Variants in THSD4 observed in about 807,000 individuals in gnomAD.
THSD4 encodes thrombospondin type-1 domain-containing protein 4.
Under a neutral mutation model 119.0 loss-of-function variants are expected in THSD4, and 69 were observed. The ratio of observed to expected loss-of-function variants is 0.58; its 90% CI spans 0.48 to 0.71. The LOEUF is 0.71. Ranked by LOEUF, THSD4 falls within the 30% of genes least tolerant of loss-of-function variation. The pLI is 0.00. For synonymous variants in THSD4, 524 were observed against 540.4 expected, an observed-to-expected ratio of 0.97 and a Z score of 0.42; for missense variants, 1,393 against 1,391.1, an observed-to-expected ratio of 1.00 and a Z score of -0.02.
chr15:71,569,743 C>T (rs4375617), intron 7 of THSD4, among the ~76,000 whole-genome samples: 38,383 of 152,228 alleles, frequency 0.25, 5,580 homozygotes, highest in Non-Finnish European at 0.33. Flanking sequence ...CCTGTAATCC[C>T]TGCACTTTGG....
At chr15:71,192,488 G>T (rs2043680795) in intron 3 of THSD4, among the ~76,000 whole-genome samples, 1 of 151,926 alleles carries the variant, frequency 6.6e-6, no homozygotes, top group African/African-American at 2.4e-5. Flanking sequence ...TCACCATGTT[G>T]GCCAGGCCAG....
intron 5 of THSD4, among the ~76,000 whole-genome samples, chr15:71,250,309 C>T (rs563995175): frequency 6.6e-6 from 1 of 152,246 alleles, no homozygotes; most frequent in East Asian, 1.9e-4. Context: ...GAAATGTGTG[C>T]TCCTTGGGAG....
intron 7 of THSD4, among the ~76,000 whole-genome samples, chr15:71,521,708 G>GTT (rs142512275): frequency 0.029 from 4,365 of 151,838 alleles, 212 homozygotes; most frequent in African/African-American, 0.1. Flanking sequence ...TCAGTTTGGG[G>GTT]TTTTTTTTGA....
intron 7 of THSD4, among the ~76,000 whole-genome samples, chr15:71,420,871 A>G (rs1247808014): frequency 9.5e-6 from 1 of 105,780 alleles, no homozygotes; most frequent in Non-Finnish European, 2.1e-5. Context: ...TGATAGGTTC[A>G]TCTTTTAGTC....
intron 7 of THSD4, among the ~76,000 whole-genome samples, chr15:71,460,127 C>T (rs140827959): frequency 1.1e-3 from 165 of 152,204 alleles, no homozygotes; most frequent in African/African-American, 3.6e-3. Context: ...CCCACGATAC[C>T]AGTGGTAATT....
intron 1 of THSD4, among the ~76,000 whole-genome samples, chr15:71,099,765 G>A (rs2040246365): frequency 6.6e-6 from 1 of 151,994 alleles, no homozygotes; most frequent in Admixed American, 6.6e-5. Flanking sequence ...AGGGATTTGA[G>A]ACCAGCCTGG....
At chr15:71,597,469 G>A (rs2049925894) in intron 7 of THSD4, among the ~76,000 whole-genome samples, 1 of 152,172 alleles carries the variant, frequency 6.6e-6, no homozygotes, top group African/African-American at 2.4e-5. Flanking sequence ...TTTACAGAGT[G>A]TTTATGCCAG....
intron 7 of THSD4, among the ~76,000 whole-genome samples, chr15:71,580,655 A>G (rs934243591): frequency 2.0e-5 from 3 of 152,154 alleles, no homozygotes; most frequent in African/African-American, 7.2e-5. Context: ...AAGTTCCACC[A>G]CCAAGGCCCT....
At chr15:71,144,702 A>G (rs2040639675) in intron 2 of THSD4, among the ~76,000 whole-genome samples, 1 of 152,308 alleles carries the variant, frequency 6.6e-6, no homozygotes, top group East Asian at 1.9e-4. Flanking sequence ...AGCCTTGGGC[A>G]TTAACATCGC....
At chr15:71,707,362 A>G (rs1185546945) in intron 8 of THSD4, among the ~76,000 whole-genome samples, 3 of 152,234 alleles carry the variant, frequency 2.0e-5, no homozygotes, top group Admixed American at 6.5e-5. Flanking sequence ...AATAAGCTAT[A>G]GTCCATTAAA....
intron 7 of THSD4, among the ~76,000 whole-genome samples, chr15:71,487,555 G>GA (rs1329212924): frequency 8.5e-5 from 13 of 152,052 alleles, no homozygotes; most frequent in Admixed American, 2.6e-4. Flanking sequence ...ACATGGTATA[G>GA]AAAAAAATCT....
At chr15:71,502,302 CACTTATCATGTGCTA>C (rs1217361526) in intron 7 of THSD4, among the ~76,000 whole-genome samples, 2 of 152,148 alleles carry the variant, frequency 1.3e-5, no homozygotes, top group Admixed American at 6.5e-5. Flanking sequence ...TGCCTCTCAA[CACTTATCATGTGCTA>C]TGGAAATGAA....
At chr15:71,431,437 T>G (rs2046941996) in intron 7 of THSD4, among the ~76,000 whole-genome samples, 1 of 152,204 alleles carries the variant, frequency 6.6e-6, no homozygotes, top group South Asian at 2.1e-4. Flanking sequence ...CTTGCAAATG[T>G]CTTTCAGGAG....
intron 7 of THSD4, among the ~76,000 whole-genome samples, chr15:71,521,207 T>G (rs2048435828): frequency 6.6e-6 from 1 of 152,164 alleles, no homozygotes; most frequent in South Asian, 2.1e-4. Flanking sequence ...TCTCTTTTAA[T>G]TCCAGTAAAT....
intron 1 of THSD4, among the ~76,000 whole-genome samples, chr15:71,126,757 A>T (rs1257915074): frequency 6.6e-6 from 1 of 152,270 alleles, no homozygotes; most frequent in Non-Finnish European, 1.5e-5. Flanking sequence ...GCAAAGAAAT[A>T]GAAGAATCAA....
chr15:71,763,309 A>G (rs192835431), intron 15 of THSD4, among the ~76,000 whole-genome samples: 105 of 152,164 alleles, frequency 6.9e-4, no homozygotes, highest in African/African-American at 2.4e-3. Flanking sequence ...CAAAGCTAAT[A>G]TTTAGAGTTT....
At chr15:71,143,673 ATTTTTTTCTTTCTTT>A (rs1201020628) in intron 2 of THSD4, among the ~76,000 whole-genome samples, 194 of 107,690 alleles carry the variant, frequency 1.8e-3, no homozygotes, top group Non-Finnish European at 2.8e-3. Flanking sequence ...AATGTCTTGG[ATTTTTTTCTTTCTTT>A]TTTTTTTCTT....
chr15:71,728,918 C>A, intron 9 of THSD4, 194 bp downstream of exon 9: 1 of 652,964 alleles, frequency 1.5e-6, no homozygotes, highest in Non-Finnish European at 2.6e-6. Context: ...CAGCTCACAG[C>A]AACCTCCAAC....
chr15:71,313,806 TG>T (rs1172488897), intron 6 of THSD4, among the ~76,000 whole-genome samples: 1 of 152,220 alleles, frequency 6.6e-6, no homozygotes. Flanking sequence ...TTGTACCGAC[TG>T]GGGGCTCTCC....
Sources: allele counts gnomAD v4.1 joint callset (sites outside exome capture counted in the v4.1 genomes callset), GRCh38; gene constraint gnomAD v4.1.1; transcripts MANE v1.5; gene names NCBI Gene and HGNC (gene_info 2026-07-23, HGNC 2026-07-21).